Variants in LRRC8C observed in about 807,000 individuals in gnomAD.
The protein encoded by LRRC8C is leucine rich repeat containing 8 VRAC subunit C, also known as volume-regulated anion channel subunit LRRC8C.
Under a neutral mutation model 55.3 loss-of-function variants are expected in LRRC8C, and 20 were observed. That is an observed-to-expected ratio of 0.36 (90% confidence interval 0.25 to 0.53). LRRC8C has a LOEUF of 0.53. Among genes scored for constraint, LRRC8C ranks in the 20% least tolerant of loss-of-function variants. LRRC8C has a pLI of 0.92. For synonymous variants in LRRC8C, 376 were observed against 360.7 expected (o/e 1.04, Z -0.48); for missense variants, 659 against 951.4 (o/e 0.69, Z 4.04).
rs201339680 is a variant in LRRC8C at position 89,714,704 on chromosome 1, T to C, written c.2134T>C (p.Ser712Pro). The C allele has an allele frequency of 6.2e-7, 1 of 1,614,086 alleles. No homozygotes were observed. The highest frequency in any genetic ancestry group is 8.5e-7 in the Non-Finnish European group (1 of 1,180,030). Residue 712 changes from serine to proline, a missense_variant, in exon 3 of 3, where the codon TCC becomes CCC. By Grantham distance (74) the Ser-to-Pro change is moderately conservative. Transcript: ENST00000370454. This position sits in a 1 kb window ranked among gnomAD's most constrained non-coding sequence, Gnocchi z 4.6. ...AGTTCTACAAAGTTTACAGTATTTT[T>C]CCATCACATGTAACAAAGTGGAAAG... is the stretch of plus-strand genomic sequence containing the variant. ...IGVLQSLQYF[S>P]ITCNKVESLP...
At chr1:89,696,019 A>G (rs758033162) in intron 2 of LRRC8C, among the ~76,000 whole-genome samples, 1 of 152,200 alleles carries the variant, frequency 6.6e-6, no homozygotes, top group Non-Finnish European at 1.5e-5. Context: ...CCCCAATTGA[A>G]AAACAAAACA....
chr1:89,642,887 G>A (rs1420092711), intron 1 of LRRC8C, among the ~76,000 whole-genome samples: 3 of 150,740 alleles, frequency 2.0e-5, no homozygotes, highest in Non-Finnish European at 4.4e-5. Context: ...GTGTGTTGGT[G>A]CGCACCTGTA....
In LRRC8C at chr1:89,705,815, AT is replaced by A. The variant is rs547539465; in HGVS notation, c.139-6891del. Reference sequence around the variant, plus strand: ...AATAAATGGTTTTTTTAAAAGACAGATTTATGGTAGCAAAAAAATAAAATAC... The same window carrying A: ...AATAAATGGTTTTTTTAAAAGACAGATTATGGTAGCAAAAAAATAAAATAC... On this transcript the variant is annotated intron_variant, in intron 2 of 2. Coordinates refer to ENST00000370454, the MANE Select transcript of LRRC8C (RefSeq NM_032270.5). Among the ~76,000 whole-genome samples, 84 of 152,228 alleles carry A rather than the reference AT, an allele frequency of 5.5e-4. 1 individual carries two copies. Among genetic ancestry groups the A allele is most frequent in the African/African-American group, 1.8e-3 (76 of 41,506 alleles).
At chr1:89,691,741 C>A (rs183443100) in intron 2 of LRRC8C, among the ~76,000 whole-genome samples, 33 of 152,274 alleles carry the variant, frequency 2.2e-4, no homozygotes, top group Admixed American at 1.9e-3. Flanking sequence ...GCGTCTGTCA[C>A]CCCTGTGCAC....
At chr1:89,672,191 C>A (rs1383377885) in intron 1 of LRRC8C, among the ~76,000 whole-genome samples, 1 of 152,230 alleles carries the variant, frequency 6.6e-6, no homozygotes, top group Non-Finnish European at 1.5e-5. Flanking sequence ...TCCAATTTTA[C>A]CTAGCTAACT....
the LRRC8C span, among the ~76,000 whole-genome samples, chr1:89,619,727 T>C: frequency 6.6e-6 from 1 of 152,122 alleles, no homozygotes; most frequent in African/African-American, 2.4e-5. Context: ...TGGAAAACTT[T>C]AAAATAAGGA....
At chr1:89,645,577 T>G (rs957111362) in intron 1 of LRRC8C, among the ~76,000 whole-genome samples, 2 of 152,098 alleles carry the variant, frequency 1.3e-5, no homozygotes, top group African/African-American at 4.8e-5. Context: ...ATTACCACAG[T>G]CTAACTACTG....
At chr1:89,676,998 C>A (rs553861040) in intron 1 of LRRC8C, among the ~76,000 whole-genome samples, 1 of 152,110 alleles carries the variant, frequency 6.6e-6, no homozygotes, top group Non-Finnish European at 1.5e-5. Flanking sequence ...AATTCAAAGG[C>A]CTGTGGCTAC....
intron 1 of LRRC8C, among the ~76,000 whole-genome samples, chr1:89,672,179 C>T (rs1285028501): frequency 6.6e-6 from 1 of 152,180 alleles, no homozygotes; most frequent in Non-Finnish European, 1.5e-5. Context: ...CTGGCCTTGG[C>T]CTCCAATTTT....
In LRRC8C at chr1:89,713,029, C is replaced by A; in HGVS notation, c.459C>A (p.Ser153=). The change falls in exon 3 of 3, where the codon TCC becomes TCA. Residue 153 remains serine (S), a synonymous_variant. Coordinates refer to ENST00000370454, the MANE Select transcript of LRRC8C (RefSeq NM_032270.5). The surrounding 1 kb of genome is among the most constrained non-coding windows in gnomAD (Gnocchi z 5.2). ...GGTTCAAATTCCCTGGTTCCAGCTC[C>A]AAAATAGAACATTTCATCTCCATTC... is the stretch of plus-strand genomic sequence containing the variant. ...NFWFKFPGSS[S]KIEHFISILG... is the part of the protein sequence containing the mutation. 6.2e-7 allele frequency: 1 copy of A among 1,614,166 alleles called. No individual in the cohort carries two copies. Among genetic ancestry groups the A allele is most frequent in the Non-Finnish European group, 8.5e-7 (1 of 1,180,024 alleles).
chr1:89,618,863 C>T, the LRRC8C span, among the ~76,000 whole-genome samples: 5 of 152,284 alleles, frequency 3.3e-5, no homozygotes, highest in Non-Finnish European at 7.4e-5. Context: ...GTGGCATACT[C>T]CCATTGGTTT....
intron 2 of LRRC8C, among the ~76,000 whole-genome samples, chr1:89,707,060 T>C (rs748741099): frequency 2.0e-5 from 3 of 152,154 alleles, no homozygotes; most frequent in African/African-American, 4.8e-5. Context: ...AGGACTTTAA[T>C]TGGGAAGCCT....
chr1:89,676,595 T>TG (rs1657553565), intron 1 of LRRC8C, among the ~76,000 whole-genome samples: 1 of 152,122 alleles, frequency 6.6e-6, no homozygotes, highest in Non-Finnish European at 1.5e-5. Flanking sequence ...TCTGTGTGGG[T>TG]GATAAGCATG....
At chr1:89,659,667 T>C (rs1657060117) in intron 1 of LRRC8C, among the ~76,000 whole-genome samples, 1 of 152,206 alleles carries the variant, frequency 6.6e-6, no homozygotes, top group Non-Finnish European at 1.5e-5. Context: ...AATAAAATGG[T>C]AATGAACTGT....
At chr1:89,694,756 T>G (rs1248927685) in intron 2 of LRRC8C, among the ~76,000 whole-genome samples, 1 of 151,446 alleles carries the variant, frequency 6.6e-6, no homozygotes, top group East Asian at 1.9e-4. Flanking sequence ...CCCAGCTAAT[T>G]TTTGTATTTT....
intron 1 of LRRC8C, among the ~76,000 whole-genome samples, chr1:89,642,123 G>A (rs760437997): frequency 1.3e-5 from 2 of 152,182 alleles, no homozygotes; most frequent in Non-Finnish European, 2.9e-5. Flanking sequence ...AACTCAGGGA[G>A]TATCTAATTT....
chr1:89,620,445 C>T, the LRRC8C span, among the ~76,000 whole-genome samples: 1 of 151,600 alleles, frequency 6.6e-6, no homozygotes, highest in African/African-American at 2.4e-5. Flanking sequence ...GTGATAAGGA[C>T]AAAAAGGAAG....
At chr1:89,694,720 T>G (rs1658121003) in intron 2 of LRRC8C, among the ~76,000 whole-genome samples, 1 of 151,408 alleles carries the variant, frequency 6.6e-6, no homozygotes, top group Non-Finnish European at 1.5e-5. Flanking sequence ...CCCTAGTAGT[T>G]GAGATTACAT....
chr1:89,655,427 C>T (rs1656916052), intron 1 of LRRC8C, among the ~76,000 whole-genome samples: 1 of 152,128 alleles, frequency 6.6e-6, no homozygotes, highest in Non-Finnish European at 1.5e-5. Context: ...TTATATCTGT[C>T]TTTCAGTTGG....
Sources: gnomAD v4.1 joint callset for allele counts (sites outside exome capture counted in the v4.1 genomes callset) on GRCh38, gnomAD v4.1.1 for gene constraint, Gnocchi (gnomAD v3.1) non-coding constraint, MANE v1.5 for transcripts, NCBI Gene and HGNC (gene_info 2026-07-23, HGNC 2026-07-21) for gene names.